LMCD1: variants seen among roughly 807,000 people sequenced by gnomAD.
LMCD1 encodes the protein LIM and cysteine rich domains 1, also known as LIM and cysteine-rich domains protein 1.
LMCD1 carries 32 observed loss-of-function variants against 42.7 expected under a neutral mutation model. The observed-to-expected ratio is 0.75, with a 90% CI of 0.57 to 1.01. LMCD1 has a LOEUF of 1.01. LMCD1 is among the 50% of genes least tolerant of loss of function. LMCD1 has a pLI of 0.00. For synonymous variants in LMCD1, 178 were observed against 184.9 expected (o/e 0.96, Z 0.30); for missense variants, 458 against 483.1 (o/e 0.95, Z 0.49).
chr3:8,507,687 A>G (rs1432051615), intron 1 of LMCD1, among the ~76,000 whole-genome samples: 1 of 152,208 alleles, frequency 6.6e-6, no homozygotes, highest in African/African-American at 2.4e-5. Context: ...ATGCAAAAAT[A>G]TTGGTGTCCT....
At chr3:8,519,938 G>A (rs1185474655) in intron 1 of LMCD1, among the ~76,000 whole-genome samples, 1 of 152,094 alleles carries the variant, frequency 6.6e-6, no homozygotes, top group Non-Finnish European at 1.5e-5. Context: ...GTGTGTGTGT[G>A]TGTGTGTCAA....
intron 1 of LMCD1, among the ~76,000 whole-genome samples, chr3:8,508,931 C>T (rs911236003): frequency 6.6e-6 from 1 of 152,108 alleles, no homozygotes; most frequent in South Asian, 2.1e-4. Flanking sequence ...TTCGAGGAGC[C>T]GTTAAACACA....
At chr3:8,502,299 T>C (rs1291547535) in intron 1 of LMCD1, among the ~76,000 whole-genome samples, 1 of 24,124 alleles carries the variant, frequency 4.1e-5, no homozygotes, top group Non-Finnish European at 8.2e-5. Context: ...ATATATATTA[T>C]ATATAATATA....
chr3:8,556,514 A>G (rs992680595), intron 4 of LMCD1, among the ~76,000 whole-genome samples: 6 of 152,132 alleles, frequency 3.9e-5, no homozygotes, highest in Admixed American at 3.9e-4. Context: ...GAAATTGTCT[A>G]GTCACCTAGA....
chr3:8,564,178 A>G (rs142721241), intron 4 of LMCD1, among the ~76,000 whole-genome samples: 449 of 152,328 alleles, frequency 2.9e-3, no homozygotes, highest in Admixed American at 5.1e-3. Flanking sequence ...GTAAGATGCT[A>G]ATAACTCAAG....
intron 1 of LMCD1, among the ~76,000 whole-genome samples, chr3:8,504,089 G>C (rs1282932839): frequency 6.6e-6 from 1 of 152,142 alleles, no homozygotes; most frequent in Non-Finnish European, 1.5e-5. Flanking sequence ...GAAAGAATGT[G>C]GTGGGTAGAG....
intron 1 of LMCD1, among the ~76,000 whole-genome samples, chr3:8,507,142 C>G (rs970475265): frequency 6.6e-6 from 1 of 152,204 alleles, no homozygotes; most frequent in Non-Finnish European, 1.5e-5. Context: ...CCTTCAAGAG[C>G]ACAACATTTC....
intron 5 of LMCD1, 63 bp from the exon 6 acceptor site, chr3:8,567,377 G>A (rs1262243857): frequency 3.2e-6 from 5 of 1,558,202 alleles, no homozygotes; most frequent in African/African-American, 2.7e-5. Context: ...ACTTGTCCTA[G>A]ATATACCGTC....
chr3:8,552,692 G>A (rs1694863279), intron 4 of LMCD1, among the ~76,000 whole-genome samples: 1 of 152,266 alleles, frequency 6.6e-6, no homozygotes, highest in East Asian at 1.9e-4. Context: ...GGTAACATGG[G>A]CATTTTCCAG....
At chr3:8,543,571 C>T (rs1437578107) in intron 3 of LMCD1, among the ~76,000 whole-genome samples, 5 of 152,162 alleles carry the variant, frequency 3.3e-5, no homozygotes, top group Non-Finnish European at 7.3e-5. Context: ...TAACCTTAAG[C>T]TCCTGAGCTC....
chr3:8,532,678 A>G (rs1694434574), intron 1 of LMCD1, 59 bp from the exon 2 acceptor site: 5 of 1,478,124 alleles, frequency 3.4e-6, no homozygotes, highest in East Asian at 2.3e-5. Context: ...TTAGAGGTCA[A>G]GCATCTCCGG....
At chr3:8,535,229 C>T (rs1322592214) in intron 2 of LMCD1, among the ~76,000 whole-genome samples, 1 of 152,190 alleles carries the variant, frequency 6.6e-6, no homozygotes, top group Non-Finnish European at 1.5e-5. Context: ...GCAGGCTTCT[C>T]ATGCCTGGCT....
At chr3:8,556,189 T>G (rs1450452685) in intron 4 of LMCD1, among the ~76,000 whole-genome samples, 1 of 152,190 alleles carries the variant, frequency 6.6e-6, no homozygotes, top group African/African-American at 2.4e-5. Flanking sequence ...ATCCTAAGAA[T>G]TATCCTACAA....
chr3:8,528,942 C>T (rs1694353557), intron 1 of LMCD1, among the ~76,000 whole-genome samples: 2 of 152,074 alleles, frequency 1.3e-5, no homozygotes, highest in Admixed American at 1.3e-4. Flanking sequence ...TCCTACTAAC[C>T]CAAGCCAAGG....
chr3:8,502,871 C>T (rs1693792113), intron 1 of LMCD1, among the ~76,000 whole-genome samples: 1 of 152,104 alleles, frequency 6.6e-6, no homozygotes, highest in African/African-American at 2.4e-5. Context: ...AGAGAGACAA[C>T]CTAGGCTTTA....
intron 4 of LMCD1, among the ~76,000 whole-genome samples, chr3:8,556,151 C>A (rs990503873): frequency 3.3e-5 from 5 of 152,140 alleles, no homozygotes; most frequent in Non-Finnish European, 5.9e-5. Flanking sequence ...AGGCACTGTG[C>A]CAGATATTTT....
chr3:8,535,285 G>A (rs1694489570), intron 2 of LMCD1, among the ~76,000 whole-genome samples: 1 of 152,144 alleles, frequency 6.6e-6, no homozygotes, highest in Non-Finnish European at 1.5e-5. Flanking sequence ...TGAATAAAAT[G>A]CAAAACAAAA....
intron 2 of LMCD1, among the ~76,000 whole-genome samples, chr3:8,535,917 C>T (rs1694499055): frequency 1.3e-5 from 2 of 152,172 alleles, no homozygotes; most frequent in South Asian, 2.1e-4. Context: ...CCTCTACCCA[C>T]CAGACACCAA....
intron 4 of LMCD1, among the ~76,000 whole-genome samples, chr3:8,560,186 G>C (rs748333028): frequency 7.2e-5 from 9 of 124,984 alleles, no homozygotes; most frequent in Non-Finnish European, 1.4e-4. Flanking sequence ...GATCCTTTGA[G>C]CTCCGGAGTT....
Sources: gnomAD v4.1 joint callset for allele counts (sites outside exome capture counted in the v4.1 genomes callset) on GRCh38, gnomAD v4.1.1 for gene constraint, MANE v1.5 for transcripts, NCBI Gene and HGNC (gene_info 2026-07-23, HGNC 2026-07-21) for gene names.